CCDC15: variants seen among roughly 807,000 people sequenced by gnomAD.
CCDC15 encodes the protein coiled-coil domain-containing protein 15.
Under a neutral mutation model 114.5 loss-of-function variants are expected in CCDC15, and 105 were observed. The observed-to-expected ratio is 0.92, with a 90% CI of 0.78 to 1.08. The LOEUF (loss-of-function observed/expected upper bound fraction) is 1.08, where lower values mean the gene tolerates loss of function less well. Ranked by LOEUF, CCDC15 falls within the 50% of genes least tolerant of loss-of-function variation. The probability of loss-of-function intolerance (pLI) is 0.00; values close to 1 mark genes in which losing one functional copy is unlikely to be tolerated. For synonymous variants in CCDC15, 334 were observed against 377.8 expected, an observed-to-expected ratio of 0.88 and a Z score of 1.34; for missense variants, 1,105 against 1,093.6, an observed-to-expected ratio of 1.01 and a Z score of -0.15.
chr11:124,991,187 G>C (rs956733090), intron 8 of CCDC15, among the ~76,000 whole-genome samples: 1 of 152,152 alleles, frequency 6.6e-6, no homozygotes, highest in African/African-American at 2.4e-5. Context: ...TTCTATGCAG[G>C]CATCATCAGG....
At position 124,954,743 on chromosome 11, in the gene CCDC15, G is replaced by A. The variant is rs1279358528; in HGVS notation, c.11G>A (p.Ser4Asn). The A allele has an allele frequency of 5.0e-6, 8 of 1,613,874 alleles. No homozygotes were observed. The South Asian group carries it at 7.7e-5, about 16-fold the overall frequency. ...AATCAGGAGTCACAGATGCTGGGAA[G>A]TATGGCCCGAAAGAAACCTCGAAAT... MLGSMARKKPRNTS... is the reference protein window; with the variant it reads MLGNMARKKPRNTS... Residue 4 changes from serine to asparagine, a missense_variant, in exon 2 of 16, where the codon AGT (serine) becomes AAT (asparagine). By Grantham distance (46) the Ser-to-Asn change is conservative. Transcript: ENST00000344762.
At chr11:124,981,984 A>G (rs868518933) in intron 6 of CCDC15, among the ~76,000 whole-genome samples, 3 of 152,270 alleles carry the variant, frequency 2.0e-5, no homozygotes, top group Admixed American at 6.5e-5. Context: ...TATTGGGTGC[A>G]TATATATCTA....
At chr11:124,968,397 C>A (rs1048253087) in intron 4 of CCDC15, among the ~76,000 whole-genome samples, 8 of 152,188 alleles carry the variant, frequency 5.3e-5, no homozygotes, top group Middle Eastern at 3.2e-3. Flanking sequence ...TGCTGCCTCG[C>A]AGTTTAATCT....
intron 6 of CCDC15, among the ~76,000 whole-genome samples, chr11:124,981,717 T>C (rs1948074920): frequency 1.3e-5 from 2 of 152,190 alleles, no homozygotes; most frequent in South Asian, 4.1e-4. Flanking sequence ...CCTCCTGGAT[T>C]CAAGTGATGC....
At chr11:124,998,213 T>C (rs989200509) in intron 11 of CCDC15, among the ~76,000 whole-genome samples, 10 of 152,344 alleles carry the variant, frequency 6.6e-5, no homozygotes, top group Admixed American at 2.6e-4. Flanking sequence ...CTCCATGTTG[T>C]GGACTAGAAA....
chr11:124,963,240 T>C (rs542240422), intron 4 of CCDC15, among the ~76,000 whole-genome samples: 54 of 152,358 alleles, frequency 3.5e-4, no homozygotes, highest in African/African-American at 1.3e-3. Flanking sequence ...ATGGTTGAAC[T>C]AATTTACAGT....
intron 13 of CCDC15, among the ~76,000 whole-genome samples, chr11:125,020,857 G>T (rs1217514961): frequency 1.3e-5 from 2 of 151,660 alleles, no homozygotes; most frequent in Non-Finnish European, 2.9e-5. Flanking sequence ...TTTATTTTAT[G>T]ATCCCTTCTT....
chr11:125,038,172 G>A (rs904238383), intron 13 of CCDC15: 4 of 225,818 alleles, frequency 1.8e-5, no homozygotes, highest in Non-Finnish European at 3.4e-5. Context: ...CATCTGCTTC[G>A]GCCTCTCAGA....
At chr11:124,996,394 C>T (rs1040801782) in intron 11 of CCDC15, among the ~76,000 whole-genome samples, 3 of 152,188 alleles carry the variant, frequency 2.0e-5, no homozygotes, top group Non-Finnish European at 4.4e-5. Flanking sequence ...TTCCTACTAT[C>T]TCAGAGGAAA....
chr11:125,040,575 A>G lies in CCDC15; in HGVS notation c.2735-15A>G, dbSNP rs1281807255. 1.3e-6 allele frequency: 2 copies of G among 1,596,900 alleles called. No homozygotes were observed. Among genetic ancestry groups the G allele is most frequent in the Admixed American group, 3.5e-5 (2 of 57,872 alleles). On this transcript the variant is annotated splice_polypyrimidine_tract_variant and intron_variant, in intron 15 of 15. Coordinates refer to ENST00000344762, the MANE Select transcript of CCDC15 (RefSeq NM_025004.3). ...ATTTGACTTTATTCATTGCTGTGCA[A>G]ACCTTTTTTTGCAGCATATACTCGG...
In CCDC15 at chr11:124,954,771, C is replaced by G. The variant is rs369286985; in HGVS notation, c.39C>G (p.Thr13=). ...GSMARKKPRN[T]SRLPLALNPL... The stretch of plus-strand genomic sequence containing the variant: ...TGGCCCGAAAGAAACCTCGAAATAC[C>G]TCAAGGTTGCCCCTGGCTTTAAACC... Residue 13 remains threonine (T), a synonymous_variant, in exon 2 of 16, where the codon ACC becomes ACG. Transcript: ENST00000344762. The G allele has an allele frequency of 6.2e-7, 1 of 1,613,926 alleles. No individual in the cohort carries two copies. Among genetic ancestry groups the G allele is most frequent in the South Asian group, 1.1e-5 (1 of 91,076 alleles).
At chr11:125,016,395 G>C (rs1180436239) in intron 13 of CCDC15, among the ~76,000 whole-genome samples, 1 of 151,762 alleles carries the variant, frequency 6.6e-6, no homozygotes, top group Non-Finnish European at 1.5e-5. Flanking sequence ...GGGTTGGGAT[G>C]CTTGGAAAAA....
chr11:124,971,405 A>G (rs1337114481), intron 4 of CCDC15, among the ~76,000 whole-genome samples: 2 of 152,218 alleles, frequency 1.3e-5, no homozygotes, highest in South Asian at 2.1e-4. Context: ...CGCCAGCAAC[A>G]GAACAAAGCT....
intron 4 of CCDC15, among the ~76,000 whole-genome samples, chr11:124,963,008 C>T (rs1215389626): frequency 6.6e-6 from 1 of 152,216 alleles, no homozygotes; most frequent in East Asian, 1.9e-4. Context: ...CATAGTATTT[C>T]ATGGTGTATA....
In CCDC15 at chr11:125,035,240, C is replaced by T. The variant is rs1372834476; in HGVS notation, c.2412-3191C>T. On this transcript the variant is annotated intron_variant, in intron 13 of 15. Coordinates refer to ENST00000344762, the MANE Select transcript of CCDC15 (RefSeq NM_025004.3). ...CCAGTCCACTGGCTCAAATGTTAATCTCTTTTGGCCACACCCTCACAGAAA... is the reference window on the plus strand; with the variant it reads ...CCAGTCCACTGGCTCAAATGTTAATTTCTTTTGGCCACACCCTCACAGAAA... Among the ~76,000 whole-genome samples the T allele has an allele frequency of 2.0e-5, 3 of 152,162 alleles. No individual in the cohort carries two copies. In the East Asian group the frequency reaches 5.8e-4, roughly 29 times the overall value.
chr11:124,995,775 C>T (rs940301857), intron 11 of CCDC15, among the ~76,000 whole-genome samples: 1 of 151,946 alleles, frequency 6.6e-6, no homozygotes, highest in Non-Finnish European at 1.5e-5. Context: ...ATCTGAATCT[C>T]TTCTTGTCCT....
intron 11 of CCDC15, among the ~76,000 whole-genome samples, chr11:124,995,986 A>G (rs1948362218): frequency 6.6e-6 from 1 of 151,722 alleles, no homozygotes; most frequent in South Asian, 2.1e-4. Flanking sequence ...TGTGCTACCA[A>G]GCCTGGCTAA....
chr11:124,987,971 A>G lies in CCDC15; in HGVS notation c.1745A>G (p.Asp582Gly), dbSNP rs933961508. ...KDQNILPICQDQDFLPRDQGY... is the reference protein window; with the variant it reads ...KDQNILPICQGQDFLPRDQGY... Reference sequence around the variant, plus strand: ...CAAAATATTCTACCCATATGTCAGGACCAGGATTTTCTACCCAGAGACCAA... The same window carrying G: ...CAAAATATTCTACCCATATGTCAGGGCCAGGATTTTCTACCCAGAGACCAA... Residue 582 changes from aspartate to glycine, a missense_variant, in exon 8 of 16, where the codon GAC becomes GGC. Physicochemically the swap from Asp to Gly is moderately conservative, Grantham distance 94. Coordinates refer to ENST00000344762, the MANE Select transcript of CCDC15 (RefSeq NM_025004.3). The G allele has an allele frequency of 2.0e-5, 32 of 1,613,874 alleles. No homozygotes were observed. The highest frequency in any genetic ancestry group is 2.7e-5 in the Non-Finnish European group (32 of 1,179,886).
chr11:124,993,241 T>C lies in CCDC15; in HGVS notation c.2212T>C (p.Leu738=). The C allele has an allele frequency of 6.3e-7, 1 of 1,578,702 alleles. No homozygotes were observed. The highest frequency in any genetic ancestry group is 2.2e-5 in the East Asian group (1 of 44,636). Residue 738 remains leucine (L), a splice_region_variant and synonymous_variant, in exon 11 of 16, where the codon TTG becomes CTG. Coordinates refer to ENST00000344762, the MANE Select transcript of CCDC15 (RefSeq NM_025004.3). The part of the protein sequence containing the change: ...IARGNTPGVP[L]AYDRYQSGLS... ...AAGAGGAAATACTCCTGGAGTGCCCTTGGTATGTTTCACACAATATTCAAG... is the reference window on the plus strand; with the variant it reads ...AAGAGGAAATACTCCTGGAGTGCCCCTGGTATGTTTCACACAATATTCAAG...
Sources: gnomAD v4.1 joint callset for allele counts (sites outside exome capture counted in the v4.1 genomes callset) on GRCh38, gnomAD v4.1.1 for gene constraint, MANE v1.5 for transcripts, NCBI Gene and HGNC (gene_info 2026-07-23, HGNC 2026-07-21) for gene names.